PLXDC2: variants seen among roughly 807,000 people sequenced by gnomAD.
PLXDC2 encodes the protein plexin domain-containing protein 2.
PLXDC2 carries 40 observed loss-of-function variants against 68.9 expected under a neutral mutation model. That is an observed-to-expected ratio of 0.58 (90% CI 0.45 to 0.76). The LOEUF is 0.76. PLXDC2 is among the 30% of genes least tolerant of loss of function. The pLI is 0.00. For synonymous variants in PLXDC2, 243 were observed against 234.2 expected (o/e 1.04, Z -0.34); for missense variants, 644 against 661.9 (o/e 0.97, Z 0.30).
At chr10:20,185,203 A>G (rs1444541074) in intron 9 of PLXDC2, among the ~76,000 whole-genome samples, 1 of 148,806 alleles carries the variant, frequency 6.7e-6, no homozygotes, top group Non-Finnish European at 1.5e-5. Context: ...GGTATTTTCC[A>G]TACAGTGAGG....
Position 20,198,745 on chromosome 10 carries a change from C to G in PLXDC2, c.1062-12924C>G, listed in dbSNP as rs1175710414. Among the ~76,000 whole-genome samples the G allele has an allele frequency of 2.6e-5, 4 of 151,946 alleles. 1 individual carries two copies. The highest frequency in any genetic ancestry group is 9.7e-5 in the African/African-American group (4 of 41,366). On this transcript the variant is annotated intron_variant, in intron 9 of 13. Transcript: ENST00000377252. ...TTCTGCTATAATCTGATGTGTTTAC[C>G]TTGTTTTTGTCACATAATCCAGCTG... is the stretch of plus-strand genomic sequence containing the variant.
chr10:19,949,841 G>A (rs1186118386), intron 1 of PLXDC2, among the ~76,000 whole-genome samples: 2 of 152,142 alleles, frequency 1.3e-5, no homozygotes, highest in South Asian at 2.1e-4. Context: ...ATTGTTTAAA[G>A]AATGTTAATT....
intron 5 of PLXDC2, among the ~76,000 whole-genome samples, chr10:20,147,321 A>AGG (rs2131797092): frequency 6.6e-6 from 1 of 152,300 alleles, no homozygotes; most frequent in African/African-American, 2.4e-5. Context: ...AACTCCTTCA[A>AGG]TGTGGAAAAG....
chr10:20,095,126 T>C (rs1370183572), intron 4 of PLXDC2, among the ~76,000 whole-genome samples: 2 of 152,194 alleles, frequency 1.3e-5, no homozygotes, highest in Non-Finnish European at 2.9e-5. Context: ...TTTAAATATT[T>C]CCAAAATATA....
intron 1 of PLXDC2, among the ~76,000 whole-genome samples, chr10:19,928,841 G>T: frequency 6.7e-6 from 1 of 150,106 alleles, no homozygotes; most frequent in South Asian, 2.1e-4. Flanking sequence ...TGTAACCTCG[G>T]CCTCCTGGGT....
At chr10:19,837,365 C>G (rs2131314602) in intron 1 of PLXDC2, among the ~76,000 whole-genome samples, 1 of 151,012 alleles carries the variant, frequency 6.6e-6, no homozygotes, top group East Asian at 2.0e-4. Context: ...CAACATTGCT[C>G]TGTTTTCTCA....
intron 1 of PLXDC2, among the ~76,000 whole-genome samples, chr10:19,954,435 T>A (rs1395897100): frequency 6.6e-6 from 1 of 152,242 alleles, no homozygotes; most frequent in African/African-American, 2.4e-5. Flanking sequence ...ATATTGCAGA[T>A]GATCTGCATT....
rs1241220069 is a variant in PLXDC2, at chr10:20,209,315, G to A, written c.1062-2354G>A. 4.7e-5 allele frequency among the ~76,000 whole-genome samples: 7 copies of A among 147,622 alleles called. No individual in the cohort carries two copies. The Admixed American group carries it at 4.8e-4, about 10-fold the overall frequency. Reference sequence around the variant, plus strand: ...CAGGGACGCATTCTCTTTCAGGGATGTTCCTTGCTGAGGAAAACAATGAGA... The same window carrying A: ...CAGGGACGCATTCTCTTTCAGGGATATTCCTTGCTGAGGAAAACAATGAGA... On this transcript the variant is annotated intron_variant, in intron 9 of 13. Transcript: ENST00000377252.
intron 1 of PLXDC2, among the ~76,000 whole-genome samples, chr10:19,883,884 C>CTTTTTTTTTTTTTTTTTT (rs397846779): frequency 0.015 from 842 of 55,092 alleles, 225 homozygotes; most frequent in Middle Eastern, 0.022. Flanking sequence ...TCCCTTTAAA[C>CTTTTTTTTTTTTTTTTTT]TTTTTTTTTT....
chr10:20,173,198 G>A (rs1185341937), intron 7 of PLXDC2, among the ~76,000 whole-genome samples: 7 of 152,116 alleles, frequency 4.6e-5, no homozygotes, highest in Admixed American at 1.3e-4. Context: ...TGCTGGACTC[G>A]ATTTGAACCA....
At chr10:20,123,223 G>T (rs1170476890) in intron 4 of PLXDC2, among the ~76,000 whole-genome samples, 1 of 152,072 alleles carries the variant, frequency 6.6e-6, no homozygotes, top group Non-Finnish European at 1.5e-5. Context: ...AGCAGCCTGG[G>T]GAGGAGGGGA....
intron 9 of PLXDC2, among the ~76,000 whole-genome samples, chr10:20,188,538 G>T (rs1834716965): frequency 6.6e-6 from 1 of 151,602 alleles, no homozygotes; most frequent in Non-Finnish European, 1.5e-5. Flanking sequence ...GGAATGCTGA[G>T]GTAGTCTAGG....
intron 6 of PLXDC2, among the ~76,000 whole-genome samples, chr10:20,162,278 T>A (rs931424566): frequency 2.0e-5 from 3 of 152,084 alleles, no homozygotes; most frequent in Non-Finnish European, 4.4e-5. Flanking sequence ...AAAAACAAGC[T>A]CTGACATAAA....
At chr10:20,184,669 T>G (rs1436726255) in intron 9 of PLXDC2, among the ~76,000 whole-genome samples, 1 of 151,818 alleles carries the variant, frequency 6.6e-6, no homozygotes, top group East Asian at 1.9e-4. Context: ...GAAAACAAAT[T>G]TAAGTAGTTC....
intron 13 of PLXDC2, among the ~76,000 whole-genome samples, chr10:20,278,046 T>A (rs1026121146): frequency 6.6e-6 from 1 of 152,178 alleles, no homozygotes; most frequent in Non-Finnish European, 1.5e-5. Context: ...GGCTGAAGAG[T>A]ACTCCTTTGT....
chr10:19,878,051 A>G (rs887626532), intron 1 of PLXDC2, among the ~76,000 whole-genome samples: 9 of 152,250 alleles, frequency 5.9e-5, no homozygotes, highest in African/African-American at 1.2e-4. Context: ...CTTGAGCAAG[A>G]AAGAATTTGT....
intron 1 of PLXDC2, among the ~76,000 whole-genome samples, chr10:19,854,220 C>G (rs1394830393): frequency 6.6e-6 from 1 of 152,128 alleles, no homozygotes; most frequent in Non-Finnish European, 1.5e-5. Context: ...CTGAGCAGAT[C>G]GGGACATCAT....
At chr10:19,833,098 G>A (rs1836725016) in intron 1 of PLXDC2, among the ~76,000 whole-genome samples, 1 of 152,214 alleles carries the variant, frequency 6.6e-6, no homozygotes, top group Non-Finnish European at 1.5e-5. Flanking sequence ...AGTTAAGGAT[G>A]TCAGAGGCAG....
At chr10:20,027,119 C>T (rs11011746) in intron 2 of PLXDC2, among the ~76,000 whole-genome samples, 24,009 of 136,168 alleles carry the variant, frequency 0.18, 3,663 homozygotes, top group East Asian at 0.58. Flanking sequence ...TTCTAATATA[C>T]ATAATATATT....
Sources: allele counts gnomAD v4.1 joint callset (sites outside exome capture counted in the v4.1 genomes callset), GRCh38; gene constraint gnomAD v4.1.1; transcripts MANE v1.5; gene names NCBI Gene and HGNC (gene_info 2026-07-23, HGNC 2026-07-21).